The following RBFOX3 variants were observed in gnomAD, a reference collection of about 807,000 sequenced individuals.
RBFOX3 encodes RNA binding protein fox-1 homolog 3.
RBFOX3 carries 17 observed loss-of-function variants against 48.7 expected under a neutral mutation model. The observed-to-expected ratio is 0.35, with a 90% confidence interval of 0.24 to 0.52. The LOEUF (loss-of-function observed/expected upper bound fraction) is 0.52. RBFOX3 is among the 20% of genes least tolerant of loss of function. The probability of loss-of-function intolerance (pLI) is 0.94; values close to 1 mark genes in which losing one functional copy is unlikely to be tolerated. For missense variants in RBFOX3, 382 were observed against 497.5 expected (o/e 0.77, Z 2.21); for synonymous variants, 212 against 209.5 (o/e 1.01, Z -0.10).
chr17:79,268,645 CCA>C (rs1463649101), intron 3 of RBFOX3, among the ~76,000 whole-genome samples: 3 of 152,210 alleles, frequency 2.0e-5, no homozygotes, highest in African/African-American at 7.2e-5. Context: ...CCAGGAAAAG[CCA>C]CACTCATGCC....
the RBFOX3 span, among the ~76,000 whole-genome samples, chr17:79,649,662 C>T: frequency 2.6e-5 from 4 of 152,094 alleles, no homozygotes; most frequent in East Asian, 1.9e-4. Flanking sequence ...GCGGAGATAG[C>T]GCCATTGCAC....
At chr17:79,137,863 G>A (rs1314972995) in intron 4 of RBFOX3, among the ~76,000 whole-genome samples, 1 of 152,190 alleles carries the variant, frequency 6.6e-6, no homozygotes, top group Non-Finnish European at 1.5e-5. Flanking sequence ...ATTTCCTCCC[G>A]GGTAATTGAG....
At chr17:79,642,139 A>C in the RBFOX3 span, among the ~76,000 whole-genome samples, 1 of 152,174 alleles carries the variant, frequency 6.6e-6, no homozygotes, top group East Asian at 1.9e-4. Flanking sequence ...GCATTATCTC[A>C]CTTATATGTG....
chr17:79,126,595 C>A (rs1047723723), intron 4 of RBFOX3, among the ~76,000 whole-genome samples: 1 of 152,142 alleles, frequency 6.6e-6, no homozygotes, highest in Non-Finnish European at 1.5e-5. Flanking sequence ...TGTCTATACA[C>A]CCAAGGGCGT....
At chr17:79,126,357 G>A (rs1269990224) in intron 4 of RBFOX3, among the ~76,000 whole-genome samples, 2 of 152,164 alleles carry the variant, frequency 1.3e-5, no homozygotes, top group South Asian at 2.1e-4. Flanking sequence ...GGCAGGCGGC[G>A]ATTCACAGGC....
At chr17:79,640,526 G>C in the RBFOX3 span, among the ~76,000 whole-genome samples, 6 of 151,498 alleles carry the variant, frequency 4.0e-5, no homozygotes, top group Non-Finnish European at 7.4e-5. Flanking sequence ...AGAACAAAGC[G>C]GGAGGCATTA....
intron 4 of RBFOX3, among the ~76,000 whole-genome samples, chr17:79,167,774 G>A (rs959888391): frequency 6.6e-6 from 1 of 152,194 alleles, no homozygotes; most frequent in African/African-American, 2.4e-5. Context: ...GGGGTCCAGG[G>A]CACCCCGGAG....
chr17:79,354,594 G>A lies in RBFOX3; in HGVS notation c.-174-46770C>T, dbSNP rs756636220. 1.9e-4 allele frequency among the ~76,000 whole-genome samples: 29 copies of A among 152,392 alleles called. No individual in the cohort carries two copies. The Middle Eastern group carries it at 0.014, about 71-fold the overall frequency. ...TCCACCACGGGGAGAAACCAGCGTGGAAGGCAGTAGGAAGATGACAGGGAC... is the reference window on the plus strand; with the variant it reads ...TCCACCACGGGGAGAAACCAGCGTGAAAGGCAGTAGGAAGATGACAGGGAC... On this transcript the variant is annotated intron_variant, in intron 2 of 14. Transcript: ENST00000693108.
chr17:79,501,430 T>C (rs1282309158), intron 1 of RBFOX3, among the ~76,000 whole-genome samples: 3 of 152,192 alleles, frequency 2.0e-5, no homozygotes, highest in African/African-American at 7.2e-5. Context: ...AAAGAAGAGA[T>C]GTCCAACAGC....
chr17:79,411,833 G>C (rs532509712), intron 2 of RBFOX3, among the ~76,000 whole-genome samples: 1 of 152,352 alleles, frequency 6.6e-6, no homozygotes, highest in South Asian at 2.1e-4. Context: ...GAACAATGAA[G>C]GCTCATACTG....
intron 3 of RBFOX3, among the ~76,000 whole-genome samples, chr17:79,303,999 CA>C (rs1312990538): frequency 2.6e-5 from 4 of 152,130 alleles, no homozygotes; most frequent in Non-Finnish European, 4.4e-5. Flanking sequence ...GGGTTTTACC[CA>C]TTATAGGAAG....
the RBFOX3 span, among the ~76,000 whole-genome samples, chr17:79,629,510 G>A: frequency 1.4e-4 from 21 of 152,286 alleles, no homozygotes; most frequent in African/African-American, 4.1e-4. Context: ...CAGGGGGTGC[G>A]GGGAAATGAC....
At chr17:79,167,638 G>A (rs912568128) in intron 4 of RBFOX3, among the ~76,000 whole-genome samples, 3 of 152,224 alleles carry the variant, frequency 2.0e-5, no homozygotes, top group African/African-American at 4.8e-5. Context: ...CCCGGCCGCA[G>A]TCTGCCTGCC....
chr17:79,357,940 C>CTAT (rs55924430), intron 2 of RBFOX3, among the ~76,000 whole-genome samples: 7 of 149,396 alleles, frequency 4.7e-5, no homozygotes, highest in East Asian at 3.9e-4. Context: ...CCCAAACAAG[C>CTAT]TATTATTATT....
At chr17:79,456,384 T>C (rs2074494438) in intron 2 of RBFOX3, among the ~76,000 whole-genome samples, 1 of 152,100 alleles carries the variant, frequency 6.6e-6, no homozygotes, top group African/African-American at 2.4e-5. Flanking sequence ...GTAGGATGTT[T>C]ACTGGCATCC....
At chr17:79,191,275 G>A (rs544034822) in intron 4 of RBFOX3, among the ~76,000 whole-genome samples, 11 of 152,296 alleles carry the variant, frequency 7.2e-5, no homozygotes, top group East Asian at 1.9e-4. Context: ...ATGGTGGCCC[G>A]GGGGTACCCC....
intron 2 of RBFOX3, among the ~76,000 whole-genome samples, chr17:79,416,207 A>C (rs1391964071): frequency 1.3e-5 from 2 of 152,164 alleles, no homozygotes; most frequent in African/African-American, 4.8e-5. Context: ...GACAGCTGGA[A>C]TCCTCCCCGG....
chr17:79,292,565 T>TAC (rs201523471), intron 3 of RBFOX3, among the ~76,000 whole-genome samples: 44 of 138,550 alleles, frequency 3.2e-4, no homozygotes, highest in South Asian at 3.1e-3. Flanking sequence ...GTTGGCACTG[T>TAC]ACACACACAC....
At chr17:79,610,545 C>A (rs2093950071) in intron 1 of RBFOX3, among the ~76,000 whole-genome samples, 1 of 152,088 alleles carries the variant, frequency 6.6e-6, no homozygotes, top group African/African-American at 2.4e-5. Context: ...ACCCCCGGGC[C>A]TTCCCATTCA....
Sources: allele counts gnomAD v4.1 joint callset (sites outside exome capture counted in the v4.1 genomes callset), GRCh38; gene constraint gnomAD v4.1.1; transcripts MANE v1.5; gene names NCBI Gene and HGNC (gene_info 2026-07-23, HGNC 2026-07-21).